Variants in DPAGT1 observed in about 807,000 individuals in gnomAD.
DPAGT1 encodes the protein dolichyl-phosphate N-acetylglucosaminephosphotransferase 1, also known as UDP-N-acetylglucosamine--dolichyl-phosphate N-acetylglucosaminephosphotransferase.
Under a neutral mutation model 39.3 loss-of-function variants are expected in DPAGT1, and 25 were observed. That is an observed-to-expected ratio of 0.64 (90% CI 0.46 to 0.89). The LOEUF (loss-of-function observed/expected upper bound fraction) is 0.89, where lower values mean the gene tolerates loss of function less well. Among genes scored for constraint, DPAGT1 ranks in the 40% least tolerant of loss-of-function variants. The pLI, the probability that DPAGT1 is intolerant of heterozygous loss-of-function variation, is 0.00. For synonymous variants in DPAGT1, 193 were observed against 201.4 expected (o/e 0.96, Z 0.36); for missense variants, 381 against 500.6 (o/e 0.76, Z 2.28).
downstream of DPAGT1, chr11:119,095,482 G>A (rs953850409): frequency 1.3e-5 from 18 of 1,388,440 alleles, no homozygotes; most frequent in African/African-American, 2.9e-5. Flanking sequence ...CGCGCGCCGC[G>A]AGGCCGCCTT....
chr11:119,101,752 C>A lies in DPAGT1; in HGVS notation c.-97G>T. ...TCAGCAGTATGGAGTGGCCGCTCCC[C>A]ACAGGCAGGCTCTTCCCACACCAAT... On this transcript the variant is annotated 5_prime_UTR_variant, in exon 1 of 9. Transcript: ENST00000354202. 1.3e-6 allele frequency: 2 copies of A among 1,591,402 alleles called. No individual in the cohort carries two copies. The highest frequency in any genetic ancestry group is 2.3e-5 in the East Asian group (1 of 43,536).
chr11:119,095,962 C>T (rs879929851), downstream of DPAGT1, among the ~76,000 whole-genome samples: 64 of 150,968 alleles, frequency 4.2e-4, no homozygotes, highest in African/African-American at 1.4e-3. Flanking sequence ...TCTTTTTTTT[C>T]TTTCTTTCTT....
At chr11:119,100,132 G>C (rs1024092849) in intron 4 of DPAGT1, 130 bp downstream of exon 4, 1 of 1,424,208 alleles carries the variant, frequency 7.0e-7, no homozygotes, top group Non-Finnish European at 9.9e-7. Context: ...TATTTGCAAA[G>C]TAAGTAGCTT....
At chr11:119,099,136 A>G (rs938209837) in intron 4 of DPAGT1, among the ~76,000 whole-genome samples, 1 of 152,158 alleles carries the variant, frequency 6.6e-6, no homozygotes, top group African/African-American at 2.4e-5. Context: ...AAGCAGGAGT[A>G]ATTCATGGCC....
chr11:119,100,869 G>T, intron 2 of DPAGT1, 26 bp from the exon 3 acceptor site: 3 of 1,613,984 alleles, frequency 1.9e-6, no homozygotes, highest in South Asian at 2.2e-5. Flanking sequence ...GCAGGTCCAT[G>T]ACTCAAGCCT....
chr11:119,097,652 A>C lies in DPAGT1; in HGVS notation c.918-101T>G. 1 of 1,476,066 alleles carries C rather than the reference A, an allele frequency of 6.8e-7. No homozygotes were observed. Among genetic ancestry groups the C allele is most frequent in the Non-Finnish European group, 9.5e-7 (1 of 1,056,824 alleles). 91.4% of individuals were successfully genotyped at this position (1,476,066 alleles called of 1,614,324 possible). A position where few individuals can be genotyped will look rare whatever the true frequency, so the allele number is the denominator to read the frequency against. ...TGAATGTGGAGTCAACCTGAGATCT[A>C]TTTCTGGCTCTGCTGCTTACTGTTA... On this transcript the variant is annotated intron_variant, in intron 6 of 8. Transcript: ENST00000354202. The surrounding 1 kb of genome is among the most constrained non-coding windows in gnomAD (Gnocchi z 4.6).
intron 5 of DPAGT1, 87 bp from the exon 6 acceptor site, chr11:119,098,130 C>A: frequency 6.4e-7 from 1 of 1,561,920 alleles, no homozygotes; most frequent in Non-Finnish European, 8.8e-7. Flanking sequence ...ACTGGACTAG[C>A]CCTGACCCTA....
At chr11:119,099,865 G>A (rs77887892) in intron 4 of DPAGT1, among the ~76,000 whole-genome samples, 5 of 151,842 alleles carry the variant, frequency 3.3e-5, no homozygotes, top group African/African-American at 4.8e-5. Flanking sequence ...TGTTAGCCGA[G>A]AGAGGGGATC....
chr11:119,096,633 C>T lies in DPAGT1; in HGVS notation c.*365G>A, dbSNP rs1946400070. On this transcript the variant is annotated 3_prime_UTR_variant, in exon 9 of 9. Coordinates refer to ENST00000354202, the MANE Select transcript of DPAGT1 (RefSeq NM_001382.4). ...TCACCGTGGAGCCTGTGTTCCTAGC[C>T]CTGGCCCAAGTTCTATCCCAAAAAC... 1 of 391,586 alleles carries T rather than the reference C, an allele frequency of 2.6e-6. No individual in the cohort carries two copies. The highest frequency in any genetic ancestry group is 4.8e-6 in the Non-Finnish European group (1 of 210,444). 24.3% of individuals were successfully genotyped at this position (391,586 alleles called of 1,614,324 possible).
Position 119,097,912 on chromosome 11 carries a change from A to G in DPAGT1, c.860T>C (p.Leu287Pro). 2 of 1,614,194 alleles carry G rather than the reference A, an allele frequency of 1.2e-6. No individual in the cohort carries two copies. Among genetic ancestry groups the G allele is most frequent in the Non-Finnish European group, 1.7e-6 (2 of 1,180,026 alleles). The change falls in exon 6 of 9, where the codon CTC becomes CCC. Residue 287 changes from leucine to proline, a missense_variant. By Grantham distance (98) the Leu-to-Pro change is moderately conservative. Transcript: ENST00000354202. This position sits in a 1 kb window ranked among gnomAD's most constrained non-coding sequence, Gnocchi z 4.6. ...ATGCAGGAGCTGAGGCAGTGAGTAG[A>G]GGAAGTTGAACACCTGGGGCATGAA... ...LFFMPQVFNFLYSLPQLLHII... is the reference protein window; with the variant it reads ...LFFMPQVFNFPYSLPQLLHII...
rs1946414114 is a variant in DPAGT1 at position 119,097,265 on chromosome 11, G to T, written c.1038C>A (p.His346Gln). Residue 346 changes from histidine to glutamine, a missense_variant, in exon 8 of 9, where the codon CAC becomes CAA. His to Gln is a conservative substitution (Grantham distance 24, BLOSUM62 0). Coordinates refer to ENST00000354202, the MANE Select transcript of DPAGT1 (RefSeq NM_001382.4). The surrounding 1 kb of genome is among the most constrained non-coding windows in gnomAD (Gnocchi z 4.6). ...VAESLQLVTV[H>Q]QSETEDGEFT... ...ATTCACCATCTTCAGTCTCACTCTG[G>T]TGTACTGTCACCAGCTGGAGGCTCT... 2 of 1,614,214 alleles carry T rather than the reference G, an allele frequency of 1.2e-6. No homozygotes were observed. The highest frequency in any genetic ancestry group is 8.5e-7 in the Non-Finnish European group (1 of 1,180,040).
rs1389203373 is a variant in DPAGT1 at position 119,097,053 on chromosome 11, C to A, written c.1172G>T (p.Ser391Ile). ...ATATCGAATGGAGAAGGTGATGGCA[C>A]TGCCCAGGATCTGCAAGGAGAAATG... ...LLLLLLQILG[S>I]AITFSIRYQL... The change falls in exon 9 of 9, where the codon AGT becomes ATT. Residue 391 changes from serine to isoleucine, a missense_variant. Physicochemically the swap from Ser to Ile is moderately radical, Grantham distance 142 (BLOSUM62 -2). Transcript: ENST00000354202. This position sits in a 1 kb window ranked among gnomAD's most constrained non-coding sequence, Gnocchi z 4.6. 1 of 1,614,132 alleles carries A rather than the reference C, an allele frequency of 6.2e-7. No individual in the cohort carries two copies. The highest frequency in any genetic ancestry group is 1.7e-5 in the Admixed American group (1 of 60,022).
In DPAGT1 at chr11:119,097,551, T is replaced by A; in HGVS notation, c.918A>T (p.Arg306Ser). 1 of 1,614,130 alleles carries A rather than the reference T, an allele frequency of 6.2e-7. No individual in the cohort carries two copies. ...IIPCPRHRIP[R>S]LNIKTGKLEM... ...CCAGTTTGCCTGTCTTGATATTGAG[T>A]CTGCGGGGGGAAGATAGCTTCATGT... is the stretch of plus-strand genomic sequence containing the variant. Residue 306 changes from arginine (R) to serine (S), a missense_variant and splice_region_variant, in exon 7 of 9, where the codon AGA becomes AGT. Arg to Ser is a moderately radical substitution (Grantham distance 110, BLOSUM62 -1). Transcript: ENST00000354202. This position sits in a 1 kb window ranked among gnomAD's most constrained non-coding sequence, Gnocchi z 4.6.
rs372096291 is a variant in DPAGT1, at chr11:119,101,161, C to T, written c.162-23G>A. The T allele has an allele frequency of 5.6e-6, 9 of 1,613,232 alleles. No homozygotes were observed. The East Asian group carries it at 1.6e-4, about 28-fold the overall frequency. On this transcript the variant is annotated intron_variant, in intron 1 of 8. Transcript: ENST00000354202. ...GGGCTGTGGCCCAGCAGCAAGGGGG[C>T]GAGGGGGAAGAGGAAAGGGGGCGTG...
Position 119,101,720 on chromosome 11 carries a change from T to C in DPAGT1, c.-65A>G. ...TAACGGGCAAGCTGAGCAGCAGTCC[T>C]GAGGCCTCAGCAGTATGGAGTGGCC... On this transcript the variant is annotated 5_prime_UTR_variant, in exon 1 of 9. Transcript: ENST00000354202. 1 of 1,612,110 alleles carries C rather than the reference T, an allele frequency of 6.2e-7. No homozygotes were observed. Among genetic ancestry groups the C allele is most frequent in the Non-Finnish European group, 8.5e-7 (1 of 1,179,240 alleles).
Position 119,097,313 on chromosome 11 carries a change from G to A in DPAGT1, c.1006-16C>T, listed in dbSNP as rs780550367. On this transcript the variant is annotated splice_polypyrimidine_tract_variant and intron_variant, in intron 7 of 8. Transcript: ENST00000354202. This position sits in a 1 kb window ranked among gnomAD's most constrained non-coding sequence, Gnocchi z 4.6. The stretch of plus-strand genomic sequence containing the variant: ...TCTCTGCCACCTGGAGGGACCAGAG[G>A]TGAAGAGAACCTCAGCTAATACCTA... The A allele has an allele frequency of 6.2e-7, 1 of 1,614,194 alleles. No homozygotes were observed. The highest frequency in any genetic ancestry group is 8.5e-7 in the Non-Finnish European group (1 of 1,180,034).
downstream of DPAGT1, chr11:119,095,221 G>A (rs1946370586): frequency 1.2e-6 from 2 of 1,613,842 alleles, no homozygotes; most frequent in South Asian, 1.1e-5. Flanking sequence ...CAGCGGTGAG[G>A]TACTCCAGCA....
rs1236626939 is a variant in DPAGT1 at position 119,101,001 on chromosome 11, C to A, written c.282+17G>T. The A allele has an allele frequency of 6.2e-7, 1 of 1,614,232 alleles. No homozygotes were observed. Reference sequence around the variant, plus strand: ...CAGGTCCCAGCCACAGGCAATCACCCCCACGAACCCACTTACTTCATGGTG... The same window carrying A: ...CAGGTCCCAGCCACAGGCAATCACCACCACGAACCCACTTACTTCATGGTG... On this transcript the variant is annotated intron_variant, in intron 2 of 8. Transcript: ENST00000354202.
At chr11:119,095,315 G>A, downstream of DPAGT1, 1 of 1,607,394 alleles carries the variant, frequency 6.2e-7, no homozygotes, top group Non-Finnish European at 8.5e-7. Flanking sequence ...ACGGCCCACT[G>A]GGAACTGGAG....
Sources: gnomAD v4.1 joint callset for allele counts (sites outside exome capture counted in the v4.1 genomes callset) on GRCh38, gnomAD v4.1.1 for gene constraint, Gnocchi (gnomAD v3.1) non-coding constraint, MANE v1.5 for transcripts, NCBI Gene and HGNC (gene_info 2026-07-23, HGNC 2026-07-21) for gene names.